MMRN1: variants seen among roughly 807,000 people sequenced by gnomAD.
MMRN1 encodes the protein multimerin-1.
In MMRN1, 94 loss-of-function variants were observed where a neutral mutation model predicts 100.7. That is an observed-to-expected ratio of 0.93 (90% CI 0.79 to 1.11). The LOEUF is 1.11. Ranked by LOEUF, MMRN1 falls within the 50% of genes least tolerant of loss-of-function variation. MMRN1 has a pLI of 0.00. For missense variants in MMRN1, 1,606 were observed against 1,439.1 expected (o/e 1.12, Z -1.88); for synonymous variants, 575 against 505.0 (o/e 1.14, Z -1.86).
intron 6 of MMRN1, among the ~76,000 whole-genome samples, chr4:89,951,126 T>G (rs1337910504): frequency 3.3e-5 from 5 of 152,152 alleles, no homozygotes; most frequent in Non-Finnish European, 7.4e-5. Context: ...TAGAAAGATA[T>G]TCTCCTTTTT....
intron 1 of MMRN1, among the ~76,000 whole-genome samples, chr4:89,901,153 T>TGAA (rs1721372337): frequency 8.6e-6 from 1 of 115,930 alleles, no homozygotes. Flanking sequence ...AGGGCTTTTA[T>TGAA]GAAAAAAAAA....
chr4:89,908,227 A>T (rs987251593), intron 1 of MMRN1, among the ~76,000 whole-genome samples: 2 of 151,350 alleles, frequency 1.3e-5, no homozygotes, highest in African/African-American at 4.8e-5. Flanking sequence ...TTCCCTCAAG[A>T]ATCATATCAC....
At chr4:89,889,958 A>G (rs1578459963), upstream of MMRN1, among the ~76,000 whole-genome samples, 1 of 152,006 alleles carries the variant, frequency 6.6e-6, no homozygotes, top group African/African-American at 2.4e-5. Flanking sequence ...CCTTTGGAGG[A>G]CCTTTCCTCC....
intron 1 of MMRN1, among the ~76,000 whole-genome samples, chr4:89,901,754 C>T (rs959014887): frequency 6.6e-6 from 1 of 151,954 alleles, no homozygotes; most frequent in African/African-American, 2.4e-5. Context: ...TTCTTTATTT[C>T]ATTACTTTGC....
upstream of MMRN1, among the ~76,000 whole-genome samples, chr4:89,891,389 ATATTTACCGAATACC>A (rs1414422273): frequency 6.6e-6 from 1 of 152,110 alleles, no homozygotes; most frequent in Non-Finnish European, 1.5e-5. Flanking sequence ...GATTCAACAA[ATATTTACCGAATACC>A]TATTGAATCA....
At chr4:89,916,538 G>GA (rs1721925640) in intron 3 of MMRN1, among the ~76,000 whole-genome samples, 2 of 151,568 alleles carry the variant, frequency 1.3e-5, no homozygotes, top group South Asian at 4.2e-4. Context: ...TATAAAATAT[G>GA]AAAAAAGCTT....
At chr4:89,914,642 G>A (rs1049942177) in intron 3 of MMRN1, among the ~76,000 whole-genome samples, 7 of 151,416 alleles carry the variant, frequency 4.6e-5, no homozygotes, top group African/African-American at 1.2e-4. Flanking sequence ...TACATAATGA[G>A]GAGTGAGTCA....
In MMRN1 at chr4:89,953,915, C is replaced by T. The variant is rs963947250; in HGVS notation, c.*497C>T. 3 of 151,960 alleles carry T rather than the reference C, an allele frequency of 2.0e-5. No individual in the cohort carries two copies. The highest frequency in any genetic ancestry group is 7.2e-5 in the African/African-American group (3 of 41,452). 9.4% of individuals were successfully genotyped at this position (151,960 alleles called of 1,614,324 possible). A position where few individuals can be genotyped will look rare whatever the true frequency, so the allele number is the denominator to read the frequency against. ...CTTTACGTTGAGTTGATCAATTTTC[C>T]ATACTAAGATTTTCATTCAGAATCA... is the stretch of plus-strand genomic sequence containing the variant. On this transcript the variant is annotated 3_prime_UTR_variant, in exon 8 of 8. Coordinates refer to ENST00000264790, the MANE Select transcript of MMRN1 (RefSeq NM_007351.3).
chr4:89,933,137 C>T (rs1399831197), intron 5 of MMRN1, among the ~76,000 whole-genome samples: 2 of 152,168 alleles, frequency 1.3e-5, no homozygotes, highest in Non-Finnish European at 2.9e-5. Context: ...AATCATTTCT[C>T]TCAAGTTCAA....
Position 89,936,742 on chromosome 4 carries a change from T to C in MMRN1, c.3062T>C (p.Leu1021Pro). 6.2e-7 allele frequency: 1 copy of C among 1,612,820 alleles called. No homozygotes were observed. Among genetic ancestry groups the C allele is most frequent in the Non-Finnish European group, 8.5e-7 (1 of 1,179,390 alleles). ...GCACTTAAGAAACCAACGGTAAATC[T>C]TACCACAGTCCTGATAGGCCGGACT... is the stretch of plus-strand genomic sequence containing the variant. ...INALKKPTVN[L>P]TTVLIGRTQR... Residue 1021 changes from leucine (L) to proline (P), a missense_variant, in exon 6 of 8, where the codon CTT (leucine) becomes CCT (proline). Coordinates refer to ENST00000264790, the MANE Select transcript of MMRN1 (RefSeq NM_007351.3).
At chr4:89,903,609 A>G (rs1409272949) in intron 1 of MMRN1, among the ~76,000 whole-genome samples, 5 of 151,894 alleles carry the variant, frequency 3.3e-5, no homozygotes, top group Admixed American at 2.0e-4. Context: ...TTTAATTATT[A>G]TAAGCAGTGA....
In MMRN1 at chr4:89,951,610, T is replaced by C; in HGVS notation, c.3124T>C (p.Tyr1042His). The change falls in exon 7 of 8, where the codon TAT becomes CAT. Residue 1042 changes from tyrosine (Y) to histidine (H), a missense_variant. Coordinates refer to ENST00000264790, the MANE Select transcript of MMRN1 (RefSeq NM_007351.3). ...TGATTCTTTTTCCGTAACAGAGGAG[T>C]ATTCAAGCTGTAGTCGGCATCCGTG... ...NTDNIIYPEE[Y>H]SSCSRHPCQN... The C allele has an allele frequency of 6.7e-7, 1 of 1,501,324 alleles. No homozygotes were observed. Among genetic ancestry groups the C allele is most frequent in the Non-Finnish European group, 8.9e-7 (1 of 1,128,486 alleles). 93.0% of individuals were successfully genotyped at this position (1,501,324 alleles called of 1,614,324 possible).
At chr4:89,922,921 AC>A (rs1213244628) in intron 3 of MMRN1, among the ~76,000 whole-genome samples, 1 of 151,896 alleles carries the variant, frequency 6.6e-6, no homozygotes, top group African/African-American at 2.4e-5. Flanking sequence ...ATCCCTTTTC[AC>A]GGAAAGGAGG....
chr4:89,947,926 C>T (rs957310522), intron 6 of MMRN1, among the ~76,000 whole-genome samples: 11 of 152,156 alleles, frequency 7.2e-5, no homozygotes, highest in African/African-American at 2.7e-4. Context: ...GACCCTGGCT[C>T]ACTGCAACCT....
chr4:89,953,107 T>C lies in MMRN1; in HGVS notation c.3376T>C (p.Tyr1126His), dbSNP rs1411437341. Residue 1126 changes from tyrosine to histidine, a missense_variant, in exon 8 of 8, where the codon TAT becomes CAT. Physicochemically the swap from Tyr to His is moderately conservative, Grantham distance 83. Coordinates refer to ENST00000264790, the MANE Select transcript of MMRN1 (RefSeq NM_007351.3). ...CCTGTTTAATAACTTGGATGTCAAT[T>C]ATGGAGCTTCATATACCCCAAGAAC... is the stretch of plus-strand genomic sequence containing the variant. ...PILFNNLDVN[Y>H]GASYTPRTGK... is the part of the protein sequence containing the mutation. The C allele has an allele frequency of 1.9e-6, 3 of 1,613,794 alleles. No homozygotes were observed. Among genetic ancestry groups the C allele is most frequent in the African/African-American group, 1.3e-5 (1 of 74,904 alleles).
In MMRN1 at chr4:89,935,892, G is replaced by C. The variant is rs1185016798; in HGVS notation, c.2212G>C (p.Ala738Pro). Residue 738 changes from alanine to proline, a missense_variant, in exon 6 of 8, where the codon GCT becomes CCT. Coordinates refer to ENST00000264790, the MANE Select transcript of MMRN1 (RefSeq NM_007351.3). ...TAAGACAATGACTATTATAAATAAT[G>C]CTATTGATTTCATTCAAGATAACTA... ...LNKTMTIINNAIDFIQDNYAL... is the reference protein window; with the variant it reads ...LNKTMTIINNPIDFIQDNYAL... 6.2e-7 allele frequency: 1 copy of C among 1,609,318 alleles called. No individual in the cohort carries two copies. Among genetic ancestry groups the C allele is most frequent in the Non-Finnish European group, 8.5e-7 (1 of 1,177,804 alleles).
At chr4:89,907,107 C>T (rs915281387) in intron 1 of MMRN1, among the ~76,000 whole-genome samples, 7 of 151,532 alleles carry the variant, frequency 4.6e-5, no homozygotes, top group East Asian at 1.9e-4. Flanking sequence ...TTAGGATCAT[C>T]ATTGCATTTG....
rs1722664014 is a variant in MMRN1, at chr4:89,936,902, T to A, written c.3118+104T>A. ...GACCATTAAACATAAAACTACATAC[T>A]TGAACTTGGATAGATAGTCAAGTTG... On this transcript the variant is annotated intron_variant, in intron 6 of 7. Coordinates refer to ENST00000264790, the MANE Select transcript of MMRN1 (RefSeq NM_007351.3). The A allele has an allele frequency of 6.7e-6, 7 of 1,048,032 alleles. 1 individual carries two copies. In the South Asian group the frequency reaches 1.3e-4, roughly 20 times the overall value. The allele number at this position is 1,048,032 out of a possible 1,614,324, so 64.9% of individuals were successfully genotyped here.
intron 1 of MMRN1, among the ~76,000 whole-genome samples, chr4:89,881,250 A>C (rs1720808498): frequency 6.6e-6 from 1 of 152,158 alleles, no homozygotes; most frequent in African/African-American, 2.4e-5. Context: ...TTTAAATTCC[A>C]ATCTGGCACA....
Sources: gnomAD v4.1 joint callset for allele counts (sites outside exome capture counted in the v4.1 genomes callset) on GRCh38, gnomAD v4.1.1 for gene constraint, MANE v1.5 for transcripts, NCBI Gene and HGNC (gene_info 2026-07-23, HGNC 2026-07-21) for gene names.